The following NEK7 variants were observed in gnomAD, a reference collection of about 807,000 sequenced individuals.
NEK7 encodes the protein NIMA related kinase 7.
In NEK7, 18 loss-of-function variants were observed where a neutral mutation model predicts 44.6. That is an observed-to-expected ratio of 0.40 (90% confidence interval 0.28 to 0.60). The LOEUF (loss-of-function observed/expected upper bound fraction) is 0.60, where lower values mean the gene tolerates loss of function less well. NEK7 is among the 20% of genes least tolerant of loss of function. The pLI is 0.38. For synonymous variants in NEK7, 130 were observed against 121.1 expected (o/e 1.07, Z -0.48); for missense variants, 256 against 366.5 (o/e 0.70, Z 2.46).
intron 1 of NEK7, among the ~76,000 whole-genome samples, chr1:198,187,411 G>C (rs183699647): frequency 2.0e-5 from 3 of 152,214 alleles, no homozygotes; most frequent in East Asian, 3.9e-4. Context: ...CTCTTCCAAA[G>C]CCATTGCCAA....
At chr1:198,208,829 CTG>C (rs899410548) in intron 1 of NEK7, among the ~76,000 whole-genome samples, 3 of 152,004 alleles carry the variant, frequency 2.0e-5, no homozygotes, top group African/African-American at 7.3e-5. Flanking sequence ...ATTTCTGTTT[CTG>C]TGTTTCCAAG....
intron 1 of NEK7, among the ~76,000 whole-genome samples, chr1:198,205,308 C>T (rs1185255989): frequency 6.6e-6 from 1 of 152,212 alleles, no homozygotes; most frequent in Non-Finnish European, 1.5e-5. Flanking sequence ...TGAACCTCCA[C>T]TCCTATTAAA....
chr1:198,314,733 G>A (rs1655298802), intron 9 of NEK7, among the ~76,000 whole-genome samples: 1 of 152,210 alleles, frequency 6.6e-6, no homozygotes, highest in Non-Finnish European at 1.5e-5. Context: ...GTGCCTCCCA[G>A]TTAGGCTGCT....
At chr1:198,300,235 T>G (rs1358904015) in intron 9 of NEK7, among the ~76,000 whole-genome samples, 1 of 152,216 alleles carries the variant, frequency 6.6e-6, no homozygotes, top group African/African-American at 2.4e-5. Context: ...AAACTTGGTA[T>G]TGTTGGTGAC....
intron 5 of NEK7, among the ~76,000 whole-genome samples, chr1:198,276,848 A>G (rs1259665917): frequency 6.6e-6 from 1 of 151,660 alleles, no homozygotes; most frequent in Non-Finnish European, 1.5e-5. Flanking sequence ...ATTTCCTTGT[A>G]CTGTTTTTCC....
intron 1 of NEK7, among the ~76,000 whole-genome samples, chr1:198,163,674 G>T (rs549075603): frequency 6.6e-6 from 1 of 152,154 alleles, no homozygotes; most frequent in East Asian, 1.9e-4. Flanking sequence ...GATTTTTCTG[G>T]GGGGAGGATT....
intron 3 of NEK7, chr1:198,256,374 C>T: frequency 6.2e-7 from 1 of 1,611,826 alleles, no homozygotes; most frequent in East Asian, 2.2e-5. Flanking sequence ...GCGCTAAATG[C>T]ATGTTACTTC....
chr1:198,211,636 G>C (rs961793327), intron 1 of NEK7, among the ~76,000 whole-genome samples: 3 of 152,110 alleles, frequency 2.0e-5, no homozygotes, highest in African/African-American at 7.2e-5. Context: ...TATTGAATTA[G>C]AACAGTGATT....
chr1:198,276,356 A>G (rs1460097252), intron 5 of NEK7, among the ~76,000 whole-genome samples: 1 of 151,732 alleles, frequency 6.6e-6, no homozygotes, highest in Non-Finnish European at 1.5e-5. Flanking sequence ...GAATGAAAAG[A>G]AACCTGGTCC....
chr1:198,161,726 C>A (rs1374006636), intron 1 of NEK7, among the ~76,000 whole-genome samples: 1 of 152,108 alleles, frequency 6.6e-6, no homozygotes, highest in African/African-American at 2.4e-5. Flanking sequence ...GAGGATCCCA[C>A]TCCTATCCTG....
At chr1:198,251,800 A>G (rs985684814) in intron 2 of NEK7, among the ~76,000 whole-genome samples, 1 of 151,748 alleles carries the variant, frequency 6.6e-6, no homozygotes, top group Non-Finnish European at 1.5e-5. Flanking sequence ...CAGTCTATCA[A>G]TTTTGTTGAT....
chr1:198,189,219 A>G (rs777442753), intron 1 of NEK7, among the ~76,000 whole-genome samples: 1 of 152,186 alleles, frequency 6.6e-6, no homozygotes, highest in Non-Finnish European at 1.5e-5. Context: ...GAAAGTGGAA[A>G]AGAATGCTAT....
chr1:198,268,702 G>A (rs1653738141), intron 5 of NEK7, among the ~76,000 whole-genome samples: 1 of 152,138 alleles, frequency 6.6e-6, no homozygotes, highest in Non-Finnish European at 1.5e-5. Flanking sequence ...GATTCAGCAA[G>A]CCTTGTGTGA....
intron 2 of NEK7, among the ~76,000 whole-genome samples, chr1:198,240,279 A>G (rs568157411): frequency 1.3e-5 from 2 of 152,196 alleles, no homozygotes; most frequent in Non-Finnish European, 2.9e-5. Flanking sequence ...GAGTGAGAGT[A>G]CCTCATATTT....
chr1:198,216,093 G>A (rs1041749506), intron 1 of NEK7, among the ~76,000 whole-genome samples: 2 of 151,858 alleles, frequency 1.3e-5, no homozygotes, highest in African/African-American at 4.8e-5. Context: ...AGATATTCAC[G>A]GAACATTCTA....
chr1:198,309,571 C>T (rs201445270), intron 9 of NEK7, among the ~76,000 whole-genome samples: 1 of 148,526 alleles, frequency 6.7e-6, no homozygotes, highest in African/African-American at 2.5e-5. Context: ...TTAGGTATAT[C>T]TCCCAATGCT....
chr1:198,190,170 A>G (rs548282270), intron 1 of NEK7, among the ~76,000 whole-genome samples: 104 of 152,118 alleles, frequency 6.8e-4, no homozygotes, highest in African/African-American at 2.5e-3. Flanking sequence ...TCTCCCTAAC[A>G]CTATCAGAGT....
intron 1 of NEK7, among the ~76,000 whole-genome samples, chr1:198,231,618 A>G (rs1373350363): frequency 6.6e-6 from 1 of 151,994 alleles, no homozygotes. Context: ...ATAAAGAAAA[A>G]GTTTAAATAC....
intron 8 of NEK7, among the ~76,000 whole-genome samples, chr1:198,295,064 A>G (rs1654670865): frequency 6.6e-6 from 1 of 151,304 alleles, no homozygotes; most frequent in African/African-American, 2.4e-5. Flanking sequence ...AGAAAATTAG[A>G]CTTTCAAATA....
Sources: allele counts gnomAD v4.1 joint callset (sites outside exome capture counted in the v4.1 genomes callset), GRCh38; gene constraint gnomAD v4.1.1; transcripts MANE v1.5; gene names NCBI Gene and HGNC (gene_info 2026-07-23, HGNC 2026-07-21).